Variants in C11orf54 observed in about 807,000 individuals in gnomAD.
The protein encoded by C11orf54 is beta-keto L-gulonate decarboxylase.
A neutral mutation model predicts 35.5 loss-of-function variants in C11orf54; 29 were observed. The ratio of observed to expected loss-of-function variants is 0.82; its 90% CI spans 0.61 to 1.11. The LOEUF is 1.11. C11orf54 is among the 50% of genes most tolerant of loss of function. The pLI is 0.00. For synonymous variants in C11orf54, 108 were observed against 121.1 expected, an observed-to-expected ratio of 0.89 and a Z score of 0.71; for missense variants, 373 against 369.2, an observed-to-expected ratio of 1.01 and a Z score of -0.08.
At chr11:93,756,137 A>C (rs1411814785) in intron 6 of C11orf54, among the ~76,000 whole-genome samples, 1 of 129,584 alleles carries the variant, frequency 7.7e-6, no homozygotes, top group Admixed American at 9.7e-5. Context: ...ATTGCACTCC[A>C]GCCTGGGCAA....
At chr11:93,752,924 T>A (rs1238182863) in intron 3 of C11orf54, among the ~76,000 whole-genome samples, 1 of 152,016 alleles carries the variant, frequency 6.6e-6, no homozygotes, top group Admixed American at 6.6e-5. Flanking sequence ...TTTTTTGTAT[T>A]TTTGGTAAAG....
At chr11:93,743,160 C>T (rs1942230369) in intron 1 of C11orf54, among the ~76,000 whole-genome samples, 1 of 151,890 alleles carries the variant, frequency 6.6e-6, no homozygotes, top group Admixed American at 6.6e-5. Context: ...GCCACCACAA[C>T]CGGCTAATTT....
chr11:93,741,686 C>A lies in C11orf54; in HGVS notation c.-140C>A. 5.6e-6 allele frequency: 2 copies of A among 356,204 alleles called. No individual in the cohort carries two copies. The highest frequency in any genetic ancestry group is 1.1e-5 in the Non-Finnish European group (2 of 180,376). 22.1% of individuals were successfully genotyped at this position (356,204 alleles called of 1,614,324 possible). ...TCTGAGGAGGCGGGGTTGGCCTAGG[C>A]GAAGATCCGGACTCTGGGTGTTTTG... On this transcript the variant is annotated 5_prime_UTR_variant, in exon 1 of 9. Transcript: ENST00000354421.
At chr11:93,748,518 T>C (rs1439818330) in intron 2 of C11orf54, among the ~76,000 whole-genome samples, 3 of 152,146 alleles carry the variant, frequency 2.0e-5, no homozygotes, top group Non-Finnish European at 4.4e-5. Flanking sequence ...TCCTTCTATA[T>C]GTGCAGGATA....
Position 93,761,828 on chromosome 11 carries a change from G to A in C11orf54, c.*140G>A. The A allele has an allele frequency of 1.3e-6, 1 of 776,522 alleles. No homozygotes were observed. Among genetic ancestry groups the A allele is most frequent in the Non-Finnish European group, 1.8e-6 (1 of 555,420 alleles). 48.1% of individuals were successfully genotyped at this position (776,522 alleles called of 1,614,324 possible). ...CTCATGCCTATAATCCCAGCACTTT[G>A]GGAGGCTGAGGCAGGAAGCACACTG... On this transcript the variant is annotated 3_prime_UTR_variant, in exon 9 of 9. Transcript: ENST00000354421.
chr11:93,742,366 A>G (rs1409444301), intron 1 of C11orf54, among the ~76,000 whole-genome samples: 1 of 150,812 alleles, frequency 6.6e-6, no homozygotes, highest in African/African-American at 2.4e-5. Context: ...TCACCGCAAC[A>G]TCTGCTTCCC....
Position 93,761,662 on chromosome 11 carries a change from G to C in C11orf54, c.922G>C (p.Glu308Gln). 6.2e-7 allele frequency: 1 copy of C among 1,604,944 alleles called. No homozygotes were observed. Among genetic ancestry groups the C allele is most frequent in the East Asian group, 2.2e-5 (1 of 44,586 alleles). ...EFLYRIDQPK[E>Q]THSIGRD The stretch of plus-strand genomic sequence containing the variant: ...TCTCTATCGCATTGATCAACCAAAA[G>C]AGACGCATTCAATTGGGCGAGATTA... The change falls in exon 9 of 9, where the codon GAG (glutamate) becomes CAG (glutamine). Residue 308 changes from glutamate (E) to glutamine (Q), a missense_variant. Transcript: ENST00000354421.
chr11:93,742,449 A>C (rs1352829219), intron 1 of C11orf54, among the ~76,000 whole-genome samples: 1 of 152,016 alleles, frequency 6.6e-6, no homozygotes, highest in Non-Finnish European at 1.5e-5. Context: ...ATGCCCAGCT[A>C]ATTTTTGCAT....
intron 1 of C11orf54, among the ~76,000 whole-genome samples, chr11:93,743,505 C>T (rs796101186): frequency 4.6e-5 from 7 of 152,286 alleles, no homozygotes; most frequent in African/African-American, 1.7e-4. Context: ...CTGGAAGCCA[C>T]GAACTCCAGT....
chr11:93,747,734 A>G (rs1478371309), intron 2 of C11orf54, among the ~76,000 whole-genome samples: 5 of 152,210 alleles, frequency 3.3e-5, no homozygotes, highest in Admixed American at 3.3e-4. Context: ...GATGTAAATG[A>G]TTAGTAATCC....
rs1037529413 is a variant in C11orf54, at chr11:93,753,872, T to C, written c.229-64T>C. On this transcript the variant is annotated intron_variant, in intron 4 of 8. Coordinates refer to ENST00000354421, the MANE Select transcript of C11orf54 (RefSeq NM_001286069.2). ...CAAGGAAGTGCTAATGGATCAGTAA[T>C]AAAAGGTAAACCAGGGACTTTGTAC... The C allele has an allele frequency of 2.2e-4, 350 of 1,558,896 alleles. 3 individuals are homozygous for C. The highest frequency in any genetic ancestry group is 7.3e-4 in the South Asian group (65 of 89,222).
chr11:93,754,694 G>A (rs1179951339), intron 5 of C11orf54, among the ~76,000 whole-genome samples: 2 of 144,026 alleles, frequency 1.4e-5, no homozygotes, highest in Non-Finnish European at 3.0e-5. Context: ...TTTAACGCAA[G>A]TTATAGATAC....
intron 1 of C11orf54, chr11:93,742,562 G>A (rs771986900): frequency 1.3e-5 from 2 of 152,196 alleles, no homozygotes; most frequent in Non-Finnish European, 2.9e-5. Flanking sequence ...TTTTAAAAAG[G>A]AATGAACTGG....
At chr11:93,745,157 C>T (rs1052923875) in intron 1 of C11orf54, among the ~76,000 whole-genome samples, 5 of 152,186 alleles carry the variant, frequency 3.3e-5, no homozygotes, top group African/African-American at 7.2e-5. Context: ...CGGCTTTACA[C>T]GGAGACATTC....
rs1710048851 is a variant in C11orf54, at chr11:93,759,826, G to A, written c.742G>A (p.Val248Ile). ...LHFYEMKAPL[V>I]CLPVFVSRDP... is the part of the protein sequence containing the mutation. ...TTTTTATGAAATGAAAGCTCCTTTG[G>A]TTTGTCTACCAGTTTTTGTCTCCAG... is the stretch of plus-strand genomic sequence containing the variant. Residue 248 changes from valine (V) to isoleucine (I), a missense_variant, in exon 8 of 9, where the codon GTT becomes ATT. Transcript: ENST00000354421. 1 of 1,608,804 alleles carries A rather than the reference G, an allele frequency of 6.2e-7. No homozygotes were observed. The highest frequency in any genetic ancestry group is 8.5e-7 in the Non-Finnish European group (1 of 1,176,278).
intron 6 of C11orf54, among the ~76,000 whole-genome samples, chr11:93,756,984 T>C (rs1045037448): frequency 7.9e-5 from 12 of 152,114 alleles, no homozygotes; most frequent in African/African-American, 2.9e-4. Context: ...TTACCAAAGG[T>C]AATTCTCAAT....
intron 3 of C11orf54, among the ~76,000 whole-genome samples, chr11:93,752,896 A>G (rs1292603868): frequency 6.6e-6 from 1 of 151,716 alleles, no homozygotes; most frequent in Non-Finnish European, 1.5e-5. Context: ...CAGCCTCCTG[A>G]GTAGTACGCC....
Position 93,753,802 on chromosome 11 carries a change from G to A in C11orf54, c.228+47G>A, listed in dbSNP as rs760059172. ...ATTCACATGAAGATTGTAGAAGTTG[G>A]GTTGATTACTGTGTTTATTATTAGA... is the stretch of plus-strand genomic sequence containing the variant. On this transcript the variant is annotated intron_variant, in intron 4 of 8. Transcript: ENST00000354421. 1.9e-6 allele frequency: 3 copies of A among 1,591,134 alleles called. No individual in the cohort carries two copies. The South Asian group carries it at 3.3e-5, about 18-fold the overall frequency.
At chr11:93,761,467 T>G (rs757813465) in intron 8 of C11orf54, 48 bp from the exon 9 acceptor site, 5 of 1,504,460 alleles carry the variant, frequency 3.3e-6, no homozygotes, top group Non-Finnish European at 3.6e-6. Context: ...CCCCTTAAAC[T>G]CTAATCAATA....
Sources: gnomAD v4.1 joint callset for allele counts (sites outside exome capture counted in the v4.1 genomes callset) on GRCh38, gnomAD v4.1.1 for gene constraint, MANE v1.5 for transcripts, NCBI Gene and HGNC (gene_info 2026-07-23, HGNC 2026-07-21) for gene names.